Variants in PPP4R4 observed in about 807,000 individuals in gnomAD.
PPP4R4 encodes the protein serine/threonine-protein phosphatase 4 regulatory subunit 4.
A neutral mutation model predicts 121.8 loss-of-function variants in PPP4R4; 70 were observed. The observed-to-expected ratio is 0.57, with a 90% CI of 0.47 to 0.70. The LOEUF is 0.70. Among genes scored for constraint, PPP4R4 ranks in the 30% least tolerant of loss-of-function variants. PPP4R4 has a pLI of 0.00. For missense variants in PPP4R4, 875 were observed against 1,033.6 expected, an observed-to-expected ratio of 0.85 and a Z score of 2.10; for synonymous variants, 348 against 355.7, an observed-to-expected ratio of 0.98 and a Z score of 0.24.
chr14:94,252,549 C>G (rs1329659482), intron 16 of PPP4R4, among the ~76,000 whole-genome samples: 1 of 151,748 alleles, frequency 6.6e-6, no homozygotes, highest in East Asian at 1.9e-4. Flanking sequence ...CTATTTTAAC[C>G]ATTTATAAGT....
intron 11 of PPP4R4, among the ~76,000 whole-genome samples, chr14:94,244,252 G>T (rs148313791): frequency 1.3e-5 from 2 of 152,286 alleles, no homozygotes; most frequent in East Asian, 3.9e-4. Context: ...TACCCTTTGG[G>T]AAGTTCTGAA....
chr14:94,256,549 T>C lies in PPP4R4; in HGVS notation c.1955T>C (p.Val652Ala). ...CTACTTCAGCAGTTAGAAATGTGTG[T>C]GAGGAAACTCCTGTGTCAAGAAAAA... ...KHLLQQLEMCVRKLLCQEKDK... is the reference protein window; with the variant it reads ...KHLLQQLEMCARKLLCQEKDK... The change falls in exon 17 of 25, where the codon GTG becomes GCG. Residue 652 changes from valine to alanine, a missense_variant. Val to Ala is a moderately conservative substitution (Grantham distance 64). Transcript: ENST00000304338. 1 of 1,604,728 alleles carries C rather than the reference T, an allele frequency of 6.2e-7. No homozygotes were observed. The highest frequency in any genetic ancestry group is 1.3e-5 in the African/African-American group (1 of 74,794).
At chr14:94,228,598 T>G (rs1891850059) in intron 3 of PPP4R4, among the ~76,000 whole-genome samples, 1 of 152,218 alleles carries the variant, frequency 6.6e-6, no homozygotes, top group African/African-American at 2.4e-5. Context: ...GCCTTCTATC[T>G]AATTCTGCCA....
intron 11 of PPP4R4, among the ~76,000 whole-genome samples, 167 bp downstream of exon 11, chr14:94,242,575 T>G (rs1314546122): frequency 6.6e-6 from 1 of 152,170 alleles, no homozygotes; most frequent in Non-Finnish European, 1.5e-5. Context: ...TTTTAGTATG[T>G]TTACTGAATC....
At chr14:94,227,155 A>T in intron 3 of PPP4R4, 1 of 707,750 alleles carries the variant, frequency 1.4e-6, no homozygotes, top group Non-Finnish European at 2.3e-6. Context: ...ATTAACTCTT[A>T]ATGTCTCATT....
chr14:94,235,689 G>A (rs1055110827), intron 7 of PPP4R4, among the ~76,000 whole-genome samples: 9 of 151,948 alleles, frequency 5.9e-5, no homozygotes, highest in South Asian at 4.1e-4. Flanking sequence ...GTGAGCCACC[G>A]CGCCCAGCTG....
chr14:94,179,014 T>A (rs188549738), intron 2 of PPP4R4, among the ~76,000 whole-genome samples: 22 of 152,342 alleles, frequency 1.4e-4, no homozygotes, highest in Middle Eastern at 3.4e-3. Context: ...TGACTCTATC[T>A]TAGCTGTGCA....
At chr14:94,260,587 A>C (rs957124978) in intron 19 of PPP4R4, among the ~76,000 whole-genome samples, 5 of 152,184 alleles carry the variant, frequency 3.3e-5, no homozygotes, top group African/African-American at 1.2e-4. Flanking sequence ...TGATGCCTAA[A>C]GATGTCAAGC....
Position 94,265,814 on chromosome 14 carries a change from A to G in PPP4R4, c.2305A>G (p.Lys769Glu), listed in dbSNP as rs1323982936. Residue 769 changes from lysine (K) to glutamate (E), a missense_variant, in exon 22 of 25, where the codon AAA (lysine) becomes GAA (glutamate). By Grantham distance (56) the Lys-to-Glu change is moderately conservative. Transcript: ENST00000304338. ...TCTAGGTAAAGAAATCAAGAAATCC[A>G]AACTGATTCGAAGCCAGTCTTTTAA... ...PSTSKEIKKSKLIRSQSFNNQ... is the reference protein window; with the variant it reads ...PSTSKEIKKSELIRSQSFNNQ... 6.2e-7 allele frequency: 1 copy of G among 1,606,886 alleles called. No homozygotes were observed. The highest frequency in any genetic ancestry group is 8.5e-7 in the Non-Finnish European group (1 of 1,175,744).
intron 3 of PPP4R4, among the ~76,000 whole-genome samples, chr14:94,226,319 G>C (rs892518168): frequency 6.6e-6 from 1 of 152,080 alleles, no homozygotes; most frequent in Middle Eastern, 3.2e-3. Context: ...ATATTTTTAT[G>C]TGTACCTCCT....
At chr14:94,258,886 C>A in intron 18 of PPP4R4, 62 bp downstream of exon 18, 2 of 1,404,212 alleles carry the variant, frequency 1.4e-6, no homozygotes, top group Non-Finnish European at 2.0e-6. Flanking sequence ...AAAAGACATA[C>A]CCAAGACTGG....
Position 94,238,352 on chromosome 14 carries a change from C to G in PPP4R4, c.853+666C>G, listed in dbSNP as rs185281077. On this transcript the variant is annotated intron_variant, in intron 8 of 24. Coordinates refer to ENST00000304338, the MANE Select transcript of PPP4R4 (RefSeq NM_058237.2). ...CAGTGTTGCTACATATTCCATCTCT[C>G]TTTTCTCCCATCAAAACTTAACTGA... is the stretch of plus-strand genomic sequence containing the variant. 1.6e-3 allele frequency among the ~76,000 whole-genome samples: 244 copies of G among 152,368 alleles called. 1 individual carries two copies. The highest frequency in any genetic ancestry group is 7.5e-3 in the South Asian group (36 of 4,830).
At chr14:94,252,011 G>C (rs728102) in intron 16 of PPP4R4, 115 bp downstream of exon 16, 1 of 884,354 alleles carries the variant, frequency 1.1e-6, no homozygotes, top group Admixed American at 3.3e-5. Flanking sequence ...GAATTTACAC[G>C]TGCTTTGAAA....
In PPP4R4 at chr14:94,174,983, C is replaced by A. The variant is rs1250305089; in HGVS notation, c.117+401C>A. 5.6e-3 allele frequency among the ~76,000 whole-genome samples: 819 copies of A among 147,242 alleles called. 16 individuals carry two copies. Among genetic ancestry groups the A allele is most frequent in the African/African-American group, 0.019 (764 of 39,662 alleles). ...GACCCCCTTCCTTCCGCCCCCCCCC[C>A]CCAAAGGAGCTGCCCCTCGAGGCCG... On this transcript the variant is annotated intron_variant, in intron 1 of 24. Transcript: ENST00000304338.
intron 23 of PPP4R4, among the ~76,000 whole-genome samples, chr14:94,274,597 G>T (rs1894534023): frequency 6.6e-6 from 1 of 152,182 alleles, no homozygotes; most frequent in Non-Finnish European, 1.5e-5. Context: ...CTTCACACTT[G>T]CTAGAATGTC....
chr14:94,221,144 G>A (rs1168655611), intron 3 of PPP4R4, among the ~76,000 whole-genome samples: 1 of 152,034 alleles, frequency 6.6e-6, no homozygotes, highest in East Asian at 1.9e-4. Flanking sequence ...ATTATAGAGA[G>A]GATAGACTTT....
In PPP4R4 at chr14:94,258,794, G is replaced by A; in HGVS notation, c.2022G>A (p.Glu674=). Residue 674 remains glutamate (E), a synonymous_variant, in exon 18 of 25, where the codon GAG becomes GAA. Transcript: ENST00000304338. The part of the protein sequence containing the change: ...VLAIVKRTVL[E]LDRMEMSMDA... ...AACTTTCCTTATAGACTGTATTAGAGTTGGACAGAATGGAAATGTCTATGG... is the reference window on the plus strand; with the variant it reads ...AACTTTCCTTATAGACTGTATTAGAATTGGACAGAATGGAAATGTCTATGG... The A allele has an allele frequency of 6.3e-7, 1 of 1,582,178 alleles. No homozygotes were observed. The highest frequency in any genetic ancestry group is 8.7e-7 in the Non-Finnish European group (1 of 1,151,648).
At chr14:94,245,739 G>A (rs1252641189) in intron 13 of PPP4R4, 69 bp downstream of exon 13, 8 of 1,126,450 alleles carry the variant, frequency 7.1e-6, no homozygotes, top group Non-Finnish European at 1.0e-5. Flanking sequence ...GTGTTTTGAG[G>A]CATCAATGAA....
intron 2 of PPP4R4, among the ~76,000 whole-genome samples, chr14:94,183,913 A>G (rs893314325): frequency 1.3e-5 from 2 of 151,932 alleles, no homozygotes; most frequent in Non-Finnish European, 2.9e-5. Flanking sequence ...ATATAAAGCA[A>G]TATAAAATAA....
Sources: allele counts gnomAD v4.1 joint callset (sites outside exome capture counted in the v4.1 genomes callset), GRCh38; gene constraint gnomAD v4.1.1; transcripts MANE v1.5; gene names NCBI Gene and HGNC (gene_info 2026-07-23, HGNC 2026-07-21).